The following CNTD1 variants were observed in gnomAD, a reference collection of about 807,000 sequenced individuals.
The protein encoded by CNTD1 is cyclin N-terminal domain-containing protein 1.
A neutral mutation model predicts 36.3 loss-of-function variants in CNTD1; 17 were observed. The ratio of observed to expected loss-of-function variants is 0.47; its 90% CI spans 0.32 to 0.70. The LOEUF (loss-of-function observed/expected upper bound fraction) is 0.70. Among genes scored for constraint, CNTD1 ranks in the 30% least tolerant of loss-of-function variants. The probability of loss-of-function intolerance (pLI) is 0.03; values close to 1 mark genes in which losing one functional copy is unlikely to be tolerated. For synonymous variants in CNTD1, 128 were observed against 153.3 expected (o/e 0.83, Z 1.22); for missense variants, 338 against 386.1 (o/e 0.88, Z 1.04).
At chr17:42,801,078 G>A (rs528225315) in intron 1 of CNTD1, among the ~76,000 whole-genome samples, 21 of 151,738 alleles carry the variant, frequency 1.4e-4, no homozygotes, top group African/African-American at 5.1e-4. Context: ...CCAGCTACTC[G>A]GGAGGCCGAG....
At chr17:42,803,482 TG>T (rs1180030139) in intron 1 of CNTD1, 137 bp from the exon 2 acceptor site, 2 of 649,646 alleles carry the variant, frequency 3.1e-6, no homozygotes, top group East Asian at 5.5e-5. Context: ...AGCTCAGCTT[TG>T]GTTGTTTTAG....
In CNTD1 at chr17:42,811,333, A is replaced by G; in HGVS notation, c.*1798A>G. 1 of 292,320 alleles carries G rather than the reference A, an allele frequency of 3.4e-6. No individual in the cohort carries two copies. The highest frequency in any genetic ancestry group is 6.2e-6 in the Non-Finnish European group (1 of 160,044). 18.1% of individuals were successfully genotyped at this position (292,320 alleles called of 1,614,324 possible). Reference sequence around the variant, plus strand: ...AGTTTCCATCCATCAATGGGATCCTAGAAAAATCAAAAGAAGCATTCCTGT... The same window carrying G: ...AGTTTCCATCCATCAATGGGATCCTGGAAAAATCAAAAGAAGCATTCCTGT... On this transcript the variant is annotated 3_prime_UTR_variant, in exon 7 of 7. Transcript: ENST00000588408.
chr17:42,804,389 G>C lies in CNTD1; in HGVS notation c.410G>C (p.Arg137Pro), dbSNP rs753249329. ...CVQLASKLSF[R>P]NKIISNITVL... Reference sequence around the variant, plus strand: ...CAGCTGGCCAGCAAACTTTCCTTCCGAAACAAAGTAAGGAGCTGGGGTTGC... The same window carrying C: ...CAGCTGGCCAGCAAACTTTCCTTCCCAAACAAAGTAAGGAGCTGGGGTTGC... Residue 137 changes from arginine (R) to proline (P), a missense_variant, in exon 3 of 7, where the codon CGA (arginine) becomes CCA (proline). Arg to Pro is a moderately radical substitution (Grantham distance 103, BLOSUM62 -2). Transcript: ENST00000588408. 1 of 1,613,590 alleles carries C rather than the reference G, an allele frequency of 6.2e-7. No individual in the cohort carries two copies. Among genetic ancestry groups the C allele is most frequent in the Non-Finnish European group, 8.5e-7 (1 of 1,179,696 alleles).
intron 1 of CNTD1, among the ~76,000 whole-genome samples, chr17:42,799,736 GAA>G (rs1229486651): frequency 2.9e-4 from 21 of 73,658 alleles, no homozygotes; most frequent in African/African-American, 1.1e-3. Flanking sequence ...TAGACGACAA[GAA>G]TGAAACTCCG....
intron 6 of CNTD1, among the ~76,000 whole-genome samples, chr17:42,808,869 GAGACCTCAT>G (rs1393049164): frequency 6.6e-6 from 1 of 152,162 alleles, no homozygotes; most frequent in Non-Finnish European, 1.5e-5. Context: ...GCAACACAGT[GAGACCTCAT>G]TTCTACAAAA....
rs563670080 is a variant in CNTD1, at chr17:42,801,552, A to G, written c.170-2068A>G. On this transcript the variant is annotated intron_variant, in intron 1 of 6. Transcript: ENST00000588408. ...ATATATATATATATATATATAATAT[A>G]TGTGTGTGTGTGTGTGTGTGTGTGT... 4.9e-3 allele frequency among the ~76,000 whole-genome samples: 389 copies of G among 80,062 alleles called. 3 individuals are homozygous for G. Among genetic ancestry groups the G allele is most frequent in the African/African-American group, 0.015 (346 of 23,014 alleles). The allele number at this position is 80,062 out of a possible 152,430, so 52.5% of individuals were successfully genotyped here. A position where few individuals can be genotyped will look rare whatever the true frequency, so the allele number is the denominator to read the frequency against.
At position 42,809,574 on chromosome 17, in the gene CNTD1, A is replaced by G. The variant is rs2144135082; in HGVS notation, c.*39A>G. ...CACCAAATATAAACAGCCATCCGTC[A>G]CTGCACTCATGCCTCCCTCTGTTTA... On this transcript the variant is annotated 3_prime_UTR_variant, in exon 7 of 7. Coordinates refer to ENST00000588408, the MANE Select transcript of CNTD1 (RefSeq NM_173478.3). 1 of 1,575,848 alleles carries G rather than the reference A, an allele frequency of 6.3e-7. No individual in the cohort carries two copies. The highest frequency in any genetic ancestry group is 2.2e-5 in the East Asian group (1 of 44,480).
intron 6 of CNTD1, 28 bp downstream of exon 6, chr17:42,807,892 G>A (rs1200409425): frequency 2.0e-6 from 3 of 1,501,946 alleles, no homozygotes; most frequent in Admixed American, 3.4e-5. Flanking sequence ...GGACCAGCAT[G>A]GTGAGAATTC....
At position 42,798,949 on chromosome 17, in the gene CNTD1, G is replaced by T; in HGVS notation, c.-119G>T. ...GGGTTTTCCTCAGACTTGAGGCGAC[G>T]ACACACTCATTGGAAGGGGACGAGG... On this transcript the variant is annotated 5_prime_UTR_variant, in exon 1 of 7. Coordinates refer to ENST00000588408, the MANE Select transcript of CNTD1 (RefSeq NM_173478.3). The T allele has an allele frequency of 6.8e-7, 1 of 1,476,772 alleles. No individual in the cohort carries two copies. Among genetic ancestry groups the T allele is most frequent in the Non-Finnish European group, 9.0e-7 (1 of 1,114,964 alleles). 91.5% of individuals were successfully genotyped at this position (1,476,772 alleles called of 1,614,324 possible).
intron 1 of CNTD1, among the ~76,000 whole-genome samples, chr17:42,801,511 AT>A (rs1431116022): frequency 0.29 from 17,205 of 59,836 alleles, 2,590 homozygotes; most frequent in East Asian, 0.45. Context: ...AAAAAAAAAA[AT>A]ATATATATAT....
At chr17:42,799,380 G>A (rs889055709) in intron 1 of CNTD1, 144 bp downstream of exon 1, 4 of 952,676 alleles carry the variant, frequency 4.2e-6, no homozygotes, top group Non-Finnish European at 6.1e-6. Flanking sequence ...ATATAGTGAT[G>A]GATAAGTCAC....
intron 6 of CNTD1, among the ~76,000 whole-genome samples, chr17:42,808,515 T>C (rs898942714): frequency 6.9e-6 from 1 of 144,176 alleles, no homozygotes; most frequent in Admixed American, 7.1e-5. Flanking sequence ...TTCACCACTG[T>C]ACTCCAACCT....
In CNTD1 at chr17:42,798,889, A is replaced by G. The variant is rs2054720415; in HGVS notation, c.-179A>G. On this transcript the variant is annotated 5_prime_UTR_variant, in exon 1 of 7. Coordinates refer to ENST00000588408, the MANE Select transcript of CNTD1 (RefSeq NM_173478.3). Reference sequence around the variant, plus strand: ...GAGTCCGTGGCCGTTGGGGCGGGAAAAAGCTGTGGAGGGTTCGAGGCTGTG... The same window carrying G: ...GAGTCCGTGGCCGTTGGGGCGGGAAGAAGCTGTGGAGGGTTCGAGGCTGTG... 1.4e-6 allele frequency: 2 copies of G among 1,440,956 alleles called. No individual in the cohort carries two copies. The highest frequency in any genetic ancestry group is 1.8e-6 in the Non-Finnish European group (2 of 1,102,396). 89.3% of individuals were successfully genotyped at this position (1,440,956 alleles called of 1,614,324 possible).
rs1400071436 is a variant in CNTD1, at chr17:42,801,177, T to C, written c.169+1941T>C. Among the ~76,000 whole-genome samples, 4 of 128,264 alleles carry C rather than the reference T, an allele frequency of 3.1e-5. 1 individual carries two copies. The highest frequency in any genetic ancestry group is 1.2e-4 in the African/African-American group (4 of 32,042). 84.1% of individuals were successfully genotyped at this position (128,264 alleles called of 152,430 possible). On this transcript the variant is annotated intron_variant, in intron 1 of 6. Coordinates refer to ENST00000588408, the MANE Select transcript of CNTD1 (RefSeq NM_173478.3). ...TCCAGCCTAGGCCACAGAGCAAGAC[T>C]CTGTCTCCCAAAAAAAAAAAAAACA...
Position 42,801,539 on chromosome 17 carries a change from AT to A in CNTD1, c.170-2080del, listed in dbSNP as rs1262875571. On this transcript the variant is annotated intron_variant, in intron 1 of 6. Transcript: ENST00000588408. ...TATATATATATATATATATATATATATATATATAATATATGTGTGTGTGTGT... is the reference window on the plus strand; with the variant it reads ...TATATATATATATATATATATATATAATATATAATATATGTGTGTGTGTGT... Among the ~76,000 whole-genome samples, 273 of 68,834 alleles carry A rather than the reference AT, an allele frequency of 4.0e-3. 2 individuals are homozygous for A. The highest frequency in any genetic ancestry group is 0.015 in the African/African-American group (215 of 14,790). The allele number at this position is 68,834 out of a possible 152,430, so 45.2% of individuals were successfully genotyped here. A position where few individuals can be genotyped will look rare whatever the true frequency, so the allele number is the denominator to read the frequency against.
intron 1 of CNTD1, among the ~76,000 whole-genome samples, chr17:42,800,069 TAAAAAAAAAA>T (rs769118587): frequency 1.6e-5 from 1 of 63,960 alleles, no homozygotes; most frequent in African/African-American, 6.8e-5. Flanking sequence ...AGACTCTGTC[TAAAAAAAAAA>T]AAAAAAAAAA....
At position 42,798,907 on chromosome 17, in the gene CNTD1, A is replaced by G; in HGVS notation, c.-161A>G. ...GCGGGAAAAAGCTGTGGAGGGTTCGAGGCTGTGGTGGTAATTGGGTTTTCC... is the reference window on the plus strand; with the variant it reads ...GCGGGAAAAAGCTGTGGAGGGTTCGGGGCTGTGGTGGTAATTGGGTTTTCC... On this transcript the variant is annotated 5_prime_UTR_variant, in exon 1 of 7. Transcript: ENST00000588408. 6.9e-7 allele frequency: 1 copy of G among 1,447,562 alleles called. No individual in the cohort carries two copies. Among genetic ancestry groups the G allele is most frequent in the Non-Finnish European group, 9.0e-7 (1 of 1,105,060 alleles). 89.7% of individuals were successfully genotyped at this position (1,447,562 alleles called of 1,614,324 possible). A position where few individuals can be genotyped will look rare whatever the true frequency, so the allele number is the denominator to read the frequency against.
rs1355642142 is a variant in CNTD1 at position 42,798,900 on chromosome 17, G to A, written c.-168G>A. On this transcript the variant is annotated 5_prime_UTR_variant, in exon 1 of 7. Coordinates refer to ENST00000588408, the MANE Select transcript of CNTD1 (RefSeq NM_173478.3). ...CGTTGGGGCGGGAAAAAGCTGTGGA[G>A]GGTTCGAGGCTGTGGTGGTAATTGG... 1.4e-6 allele frequency: 2 copies of A among 1,444,494 alleles called. No homozygotes were observed. Among genetic ancestry groups the A allele is most frequent in the Non-Finnish European group, 1.8e-6 (2 of 1,103,986 alleles). 89.5% of individuals were successfully genotyped at this position (1,444,494 alleles called of 1,614,324 possible). A position where few individuals can be genotyped will look rare whatever the true frequency, so the allele number is the denominator to read the frequency against.
At chr17:42,801,553 T>TATATATA (rs1567660401) in intron 1 of CNTD1, among the ~76,000 whole-genome samples, 1 of 22,716 alleles carries the variant, frequency 4.4e-5, no homozygotes, top group Non-Finnish European at 7.9e-5. Flanking sequence ...ATATAATATA[T>TATATATA]GTGTGTGTGT....
Sources: gnomAD v4.1 joint callset for allele counts (sites outside exome capture counted in the v4.1 genomes callset) on GRCh38, gnomAD v4.1.1 for gene constraint, MANE v1.5 for transcripts, NCBI Gene and HGNC (gene_info 2026-07-23, HGNC 2026-07-21) for gene names.